TNR: variants seen among roughly 807,000 people sequenced by gnomAD.
TNR encodes the protein tenascin R.
In TNR, 45 loss-of-function variants were observed where a neutral mutation model predicts 150.4. That is an observed-to-expected ratio of 0.30 (90% CI 0.24 to 0.38). The LOEUF is 0.38. Ranked by LOEUF, TNR falls within the 10% of genes least tolerant of loss-of-function variation. The probability of loss-of-function intolerance (pLI) is 1.00; values close to 1 mark genes in which losing one functional copy is unlikely to be tolerated. For synonymous variants in TNR, 687 were observed against 678.4 expected (o/e 1.01, Z -0.20); for missense variants, 1,544 against 1,759.1 (o/e 0.88, Z 2.19).
intron 2 of TNR, among the ~76,000 whole-genome samples, chr1:175,458,204 C>G (rs1307787594): frequency 6.6e-6 from 1 of 152,204 alleles, no homozygotes; most frequent in East Asian, 1.9e-4. Flanking sequence ...TAAATTCCCT[C>G]TTTCTTGCAA....
At chr1:175,508,714 C>T (rs935684870) in intron 2 of TNR, among the ~76,000 whole-genome samples, 6 of 152,216 alleles carry the variant, frequency 3.9e-5, no homozygotes, top group African/African-American at 1.4e-4. Context: ...CCCCAGCTAA[C>T]AGCTTGATTG....
intron 3 of TNR, among the ~76,000 whole-genome samples, chr1:175,405,609 G>C (rs966597199): frequency 1.7e-5 from 1 of 59,194 alleles, no homozygotes; most frequent in South Asian, 7.2e-4. Flanking sequence ...GAGAGTATGT[G>C]TGTGTGAGAG....
chr1:175,478,610 TAA>T (rs879714776), intron 2 of TNR, among the ~76,000 whole-genome samples: 1 of 145,826 alleles, frequency 6.9e-6, no homozygotes, highest in Non-Finnish European at 1.5e-5. Context: ...CTCCCTACAT[TAA>T]AAAAAAAAAA....
intron 1 of TNR, among the ~76,000 whole-genome samples, chr1:175,577,457 A>G (rs79294884): frequency 0.11 from 17,389 of 152,066 alleles, 1,204 homozygotes; most frequent in African/African-American, 0.19. Context: ...ACAACAGACA[A>G]TCAATTACTC....
chr1:175,593,347 G>A (rs1195485098), intron 1 of TNR, among the ~76,000 whole-genome samples: 1 of 152,096 alleles, frequency 6.6e-6, no homozygotes, highest in African/African-American at 2.4e-5. Flanking sequence ...GCCTCACATA[G>A]AGCCAGTTAA....
chr1:175,342,236 C>A (rs745488965), intron 18 of TNR, among the ~76,000 whole-genome samples: 1 of 152,034 alleles, frequency 6.6e-6, no homozygotes, highest in South Asian at 2.1e-4. Context: ...TGGATGTGGG[C>A]GTGCAATGAT....
chr1:175,439,081 A>G (rs1373957207), intron 2 of TNR, among the ~76,000 whole-genome samples: 2 of 152,242 alleles, frequency 1.3e-5, no homozygotes, highest in Non-Finnish European at 2.9e-5. Flanking sequence ...ATCCTAAGCC[A>G]AAAGAACAAA....
intron 1 of TNR, among the ~76,000 whole-genome samples, chr1:175,683,658 A>G (rs1258906404): frequency 6.6e-6 from 1 of 151,956 alleles, no homozygotes; most frequent in Non-Finnish European, 1.5e-5. Flanking sequence ...GCTGTCTCCC[A>G]CCTCAGCTCA....
intron 1 of TNR, among the ~76,000 whole-genome samples, chr1:175,597,974 A>C (rs1663075977): frequency 6.6e-6 from 1 of 152,236 alleles, no homozygotes; most frequent in Non-Finnish European, 1.5e-5. Flanking sequence ...CCAGCTTCTC[A>C]AGAAGTTCAC....
chr1:175,437,848 T>C (rs898587605), intron 2 of TNR, among the ~76,000 whole-genome samples: 11 of 152,150 alleles, frequency 7.2e-5, no homozygotes, highest in Non-Finnish European at 1.3e-4. Context: ...AATCTCCAAA[T>C]AGACCAATAA....
chr1:175,374,727 G>A (rs975346724), intron 9 of TNR, among the ~76,000 whole-genome samples: 2 of 152,220 alleles, frequency 1.3e-5, no homozygotes, highest in African/African-American at 4.8e-5. Flanking sequence ...GCAGGGAGAG[G>A]CAGCAGGTTA....
chr1:175,674,305 T>C (rs1665796915), intron 1 of TNR, among the ~76,000 whole-genome samples: 1 of 152,240 alleles, frequency 6.6e-6, no homozygotes, highest in South Asian at 2.1e-4. Context: ...GCTCCCCTCC[T>C]GAGCAATTCT....
intron 1 of TNR, among the ~76,000 whole-genome samples, chr1:175,741,695 A>G (rs772173423): frequency 6.6e-6 from 1 of 152,188 alleles, no homozygotes; most frequent in Non-Finnish European, 1.5e-5. Flanking sequence ...AAGCATAGTA[A>G]AAAAGAAAAG....
At chr1:175,600,886 C>T (rs538696147) in intron 1 of TNR, among the ~76,000 whole-genome samples, 30 of 152,314 alleles carry the variant, frequency 2.0e-4, no homozygotes, top group South Asian at 6.2e-4. Flanking sequence ...TTAAGACTTA[C>T]GCTACAGAGG....
In TNR at chr1:175,742,580, C is replaced by T. The variant is rs139939073; in HGVS notation, c.-165+646G>A. 2.2e-3 allele frequency among the ~76,000 whole-genome samples: 338 copies of T among 152,294 alleles called. 3 individuals carry two copies. Among genetic ancestry groups the T allele is most frequent in the Non-Finnish European group, 4.0e-3 (273 of 68,030 alleles). On this transcript the variant is annotated intron_variant, in intron 1 of 22. Transcript: ENST00000367674. ...GAAGTCAGAAGGGACCTCAACCCCC[C>T]AAAGCCGCCCCAGCCTGAGCTTCAC... is the stretch of plus-strand genomic sequence containing the variant.
At chr1:175,484,595 A>T (rs1032974165) in intron 2 of TNR, among the ~76,000 whole-genome samples, 1 of 150,132 alleles carries the variant, frequency 6.7e-6, no homozygotes, top group African/African-American at 2.5e-5. Flanking sequence ...CCCTTCCTCA[A>T]TTGTTTTTGT....
chr1:175,712,601 G>A (rs1667048138), intron 1 of TNR, among the ~76,000 whole-genome samples: 1 of 152,112 alleles, frequency 6.6e-6, no homozygotes, highest in Non-Finnish European at 1.5e-5. Context: ...GGCCTGGTGG[G>A]AGGTGTTTGA....
intron 1 of TNR, among the ~76,000 whole-genome samples, chr1:175,676,921 C>T (rs933539161): frequency 3.3e-5 from 5 of 152,150 alleles, no homozygotes; most frequent in African/African-American, 4.8e-5. Flanking sequence ...AACCCTCCTG[C>T]GACACTGGGA....
At chr1:175,735,347 C>T (rs1667745280) in intron 1 of TNR, among the ~76,000 whole-genome samples, 1 of 152,220 alleles carries the variant, frequency 6.6e-6, no homozygotes, top group Non-Finnish European at 1.5e-5. Context: ...ATCTGCTCTC[C>T]ACACCTGTCC....
Sources: allele counts gnomAD v4.1 joint callset (sites outside exome capture counted in the v4.1 genomes callset), GRCh38; gene constraint gnomAD v4.1.1; transcripts MANE v1.5; gene names NCBI Gene and HGNC (gene_info 2026-07-23, HGNC 2026-07-21).